The following ATRN variants were observed in gnomAD, a reference collection of about 807,000 sequenced individuals.
ATRN encodes the protein attractin-2.
A neutral mutation model predicts 178.7 loss-of-function variants in ATRN; 54 were observed. The ratio of observed to expected loss-of-function variants is 0.30; its 90% CI spans 0.24 to 0.38. The LOEUF is 0.38. ATRN is among the 10% of genes least tolerant of loss of function. The probability of loss-of-function intolerance (pLI) is 1.00; values close to 1 mark genes in which losing one functional copy is unlikely to be tolerated. For synonymous variants in ATRN, 636 were observed against 663.0 expected (o/e 0.96, Z 0.63); for missense variants, 1,443 against 1,815.1 (o/e 0.79, Z 3.73).
At chr20:3,489,960 T>A in intron 1 of ATRN, 1 of 1,034,886 alleles carries the variant, frequency 9.7e-7, no homozygotes. Flanking sequence ...CTCTTCTTGC[T>A]CTTCTCCTGT....
chr20:3,646,828 A>G lies in ATRN; in HGVS notation c.4271A>G (p.Gln1424Arg). 6.2e-7 allele frequency: 1 copy of G among 1,613,202 alleles called. No individual in the cohort carries two copies. Among genetic ancestry groups the G allele is most frequent in the East Asian group, 2.2e-5 (1 of 44,862 alleles). Reference sequence around the variant, plus strand: ...AACCGGAAGCAGCAGCCCCCTGCACAGCCTGGGACCTGCATCTGATGCTGG... The same window carrying G: ...AACCGGAAGCAGCAGCCCCCTGCACGGCCTGGGACCTGCATCTGATGCTGG... ...VRNRKQQPPAQPGTCI is the reference protein window; with the variant it reads ...VRNRKQQPPARPGTCI Residue 1424 changes from glutamine (Q) to arginine (R), a missense_variant, in exon 29 of 29, where the codon CAG becomes CGG. Physicochemically the swap from Gln to Arg is conservative, Grantham distance 43. This residue lies in a region of ATRN where 289 missense variants were observed against 440.8 expected (regional missense o/e 0.66). Transcript: ENST00000262919.
At chr20:3,523,514 C>G (rs2085324187) in intron 1 of ATRN, among the ~76,000 whole-genome samples, 1 of 152,120 alleles carries the variant, frequency 6.6e-6, no homozygotes, top group Non-Finnish European at 1.5e-5. Flanking sequence ...TCCAGGAGAA[C>G]TTCCCCAACC....
At chr20:3,545,614 G>A (rs1287623081) in intron 3 of ATRN, 148 bp from the exon 4 acceptor site, 42 of 882,158 alleles carry the variant, frequency 4.8e-5, no homozygotes, top group Non-Finnish European at 6.6e-5. Flanking sequence ...TGATAGGGTA[G>A]CACTGTGTGT....
At chr20:3,604,521 C>T (rs1455511956) in intron 24 of ATRN, among the ~76,000 whole-genome samples, 2 of 152,226 alleles carry the variant, frequency 1.3e-5, no homozygotes, top group Admixed American at 6.5e-5. Flanking sequence ...TCATTATAAA[C>T]GTATTCACTT....
intron 1 of ATRN, among the ~76,000 whole-genome samples, chr20:3,496,310 C>T (rs1261496586): frequency 6.6e-6 from 1 of 150,996 alleles, no homozygotes; most frequent in Non-Finnish European, 1.5e-5. Context: ...TTTCCCTCTA[C>T]ACACTGCTTT....
rs235588 is a variant in ATRN, at chr20:3,554,548, A to G, written c.1113-4845A>G. 7.9e-3 allele frequency among the ~76,000 whole-genome samples: 1,201 copies of G among 151,814 alleles called. 25 individuals are homozygous for G. The highest frequency in any genetic ancestry group is 0.027 in the African/African-American group (1,133 of 41,326). ...GATGGGTTTCACCATGTTAGCCAGG[A>G]TGGTCTCGATCTCCTGACCTCGTGA... On this transcript the variant is annotated intron_variant, in intron 6 of 28. Transcript: ENST00000262919.
intron 1 of ATRN, among the ~76,000 whole-genome samples, chr20:3,487,124 CTG>C (rs1276525784): frequency 6.6e-6 from 1 of 152,142 alleles, no homozygotes; most frequent in Non-Finnish European, 1.5e-5. Flanking sequence ...TTTTCAGTGA[CTG>C]TATTTTTAAT....
chr20:3,510,923 C>T (rs960522022), intron 1 of ATRN, among the ~76,000 whole-genome samples: 4 of 151,988 alleles, frequency 2.6e-5, no homozygotes, highest in South Asian at 2.1e-4. Context: ...CTCAGTAGTT[C>T]GTAGAACAAA....
chr20:3,542,026 T>C (rs2085629183), intron 3 of ATRN, among the ~76,000 whole-genome samples: 1 of 152,200 alleles, frequency 6.6e-6, no homozygotes. Flanking sequence ...CTCTGACATA[T>C]CTTTGAACTG....
chr20:3,604,916 G>A (rs1367504109), intron 24 of ATRN, among the ~76,000 whole-genome samples: 1 of 152,086 alleles, frequency 6.6e-6, no homozygotes, highest in East Asian at 1.9e-4. Flanking sequence ...CCTCTTGTCC[G>A]AGACCCATGG....
chr20:3,498,711 C>T (rs1283992249), intron 1 of ATRN, among the ~76,000 whole-genome samples: 2 of 151,918 alleles, frequency 1.3e-5, no homozygotes, highest in East Asian at 1.9e-4. Context: ...CTATGACAAA[C>T]CCACAGCTAA....
At chr20:3,518,236 C>A (rs1020650252) in intron 1 of ATRN, among the ~76,000 whole-genome samples, 1 of 152,180 alleles carries the variant, frequency 6.6e-6, no homozygotes, top group African/African-American at 2.4e-5. Flanking sequence ...GAATTTCATC[C>A]TTGGACAAGA....
chr20:3,531,705 G>A (rs1188001366), intron 1 of ATRN, among the ~76,000 whole-genome samples: 1 of 152,142 alleles, frequency 6.6e-6, no homozygotes, highest in African/African-American at 2.4e-5. Context: ...ATAGGCTCAT[G>A]AGTATGAAGA....
rs558217865 is a variant in ATRN at position 3,553,273 on chromosome 20, C to T, written c.1112+3935C>T. 3.4e-4 allele frequency among the ~76,000 whole-genome samples: 52 copies of T among 152,252 alleles called. 1 individual carries two copies. The highest frequency in any genetic ancestry group is 1.2e-3 in the African/African-American group (49 of 41,544). ...TTATGTGATTTTACCCTAACATCCT[C>T]CCTGTCTCTTGAAGCAAGAAATCTG... is the stretch of plus-strand genomic sequence containing the variant. On this transcript the variant is annotated intron_variant, in intron 6 of 28. Transcript: ENST00000262919.
intron 25 of ATRN, among the ~76,000 whole-genome samples, chr20:3,625,291 C>G (rs1300747799): frequency 6.6e-6 from 1 of 152,170 alleles, no homozygotes. Flanking sequence ...TCCCCTCACA[C>G]CACAAAAGCA....
At position 3,649,470 on chromosome 20, in the gene ATRN, T is replaced by A. The variant is rs2087130649; in HGVS notation, c.*2623T>A. The A allele has an allele frequency of 6.6e-6, 1 of 152,324 alleles. No individual in the cohort carries two copies. The highest frequency in any genetic ancestry group is 1.5e-5 in the Non-Finnish European group (1 of 68,036). 9.4% of individuals were successfully genotyped at this position (152,324 alleles called of 1,614,324 possible). ...TTCTCGCCAGGCCCCGATACATGAA[T>A]AACAAACCCAAGAAACGCATCCCCA... On this transcript the variant is annotated 3_prime_UTR_variant, in exon 29 of 29. Transcript: ENST00000262919.
intron 1 of ATRN, among the ~76,000 whole-genome samples, chr20:3,518,413 A>G (rs116227921): frequency 0.011 from 1,714 of 152,316 alleles, 35 homozygotes; most frequent in African/African-American, 0.039. Flanking sequence ...ACGAAAAGAC[A>G]CATGGTTGTA....
At chr20:3,534,913 C>T (rs1170906294) in intron 1 of ATRN, among the ~76,000 whole-genome samples, 4 of 152,036 alleles carry the variant, frequency 2.6e-5, no homozygotes, top group Non-Finnish European at 4.4e-5. Flanking sequence ...TTGAGACCAG[C>T]GTGGGCAACA....
At chr20:3,480,613 G>C (rs184366620) in intron 1 of ATRN, among the ~76,000 whole-genome samples, 36 of 152,302 alleles carry the variant, frequency 2.4e-4, no homozygotes, top group Non-Finnish European at 8.8e-5. Flanking sequence ...CAGAGGGAGG[G>C]AGGTAGAGCC....
Sources: gnomAD v4.1 joint callset for allele counts (sites outside exome capture counted in the v4.1 genomes callset) on GRCh38, gnomAD v4.1.1 for gene constraint, gnomAD v4.1.1 regional missense constraint, MANE v1.5 for transcripts, NCBI Gene and HGNC (gene_info 2026-07-23, HGNC 2026-07-21) for gene names.